The following IGSF21 variants were observed in gnomAD, a reference collection of about 807,000 sequenced individuals.
IGSF21 encodes immunoglobin superfamily member 21.
In IGSF21, 28 loss-of-function variants were observed where a neutral mutation model predicts 46.8. That is an observed-to-expected ratio of 0.60 (90% confidence interval 0.44 to 0.82). IGSF21 has a LOEUF of 0.82. IGSF21 is among the 40% of genes least tolerant of loss of function. IGSF21 has a pLI of 0.00. For missense variants in IGSF21, 624 were observed against 665.5 expected (o/e 0.94, Z 0.69); for synonymous variants, 284 against 273.6 (o/e 1.04, Z -0.38).
chr1:18,198,559 C>G (rs1465910158), intron 1 of IGSF21, among the ~76,000 whole-genome samples: 1 of 152,224 alleles, frequency 6.6e-6, no homozygotes, highest in Non-Finnish European at 1.5e-5. Context: ...TACAGACGGT[C>G]TCCAGATGAG....
intron 2 of IGSF21, among the ~76,000 whole-genome samples, chr1:18,245,354 C>T (rs751763834): frequency 2.8e-4 from 42 of 152,090 alleles, no homozygotes; most frequent in Non-Finnish European, 4.6e-4. Context: ...TGATGTTTTT[C>T]CTAATATTGA....
At chr1:18,212,943 G>T (rs889632573) in intron 1 of IGSF21, among the ~76,000 whole-genome samples, 2 of 152,252 alleles carry the variant, frequency 1.3e-5, no homozygotes, top group Non-Finnish European at 2.9e-5. Context: ...TCAGGGAAAA[G>T]ACACTAGTAT....
At chr1:18,324,515 C>G (rs912909541) in intron 3 of IGSF21, among the ~76,000 whole-genome samples, 1 of 152,194 alleles carries the variant, frequency 6.6e-6, no homozygotes, top group Non-Finnish European at 1.5e-5. Context: ...GTGGCCCGGC[C>G]GCTTCTTCCC....
At chr1:18,301,421 C>G (rs2085360959) in intron 3 of IGSF21, among the ~76,000 whole-genome samples, 2 of 152,230 alleles carry the variant, frequency 1.3e-5, no homozygotes, top group Admixed American at 1.3e-4. Flanking sequence ...CTCGCTGCAA[C>G]CTCTGCCTCC....
intron 4 of IGSF21, among the ~76,000 whole-genome samples, chr1:18,344,651 T>C (rs1228717862): frequency 6.6e-6 from 1 of 151,978 alleles, no homozygotes; most frequent in African/African-American, 2.4e-5. Flanking sequence ...AAAGCCGCCA[T>C]ACAATGGTGT....
chr1:18,155,196 C>T (rs1434740172), intron 1 of IGSF21, among the ~76,000 whole-genome samples: 1 of 152,098 alleles, frequency 6.6e-6, no homozygotes, highest in African/African-American at 2.4e-5. Context: ...TTTGCACCCG[C>T]CTCCCCAGCT....
chr1:18,264,227 T>G (rs1479150034), intron 2 of IGSF21, among the ~76,000 whole-genome samples: 1 of 152,176 alleles, frequency 6.6e-6, no homozygotes, highest in African/African-American at 2.4e-5. Flanking sequence ...CATTTCTTAT[T>G]TCACAAGAAT....
rs558978588 is a variant in IGSF21, at chr1:18,328,545, C to T, written c.306-6347C>T. ...CTTGTTCCCTTATATATACTCAACA[C>T]CACAAGCGGTGCATGGTACATGGTG... On this transcript the variant is annotated intron_variant, in intron 3 of 9. Transcript: ENST00000251296. 7.5e-4 allele frequency among the ~76,000 whole-genome samples: 114 copies of T among 152,300 alleles called. 1 individual carries two copies. The highest frequency in any genetic ancestry group is 5.4e-3 in the South Asian group (26 of 4,824).
chr1:18,120,887 C>A (rs191822306), intron 1 of IGSF21, among the ~76,000 whole-genome samples: 2 of 152,152 alleles, frequency 1.3e-5, no homozygotes, highest in African/African-American at 4.8e-5. Context: ...CTGGTCTCTT[C>A]GACATCTCCA....
At chr1:18,209,998 A>G (rs994129863) in intron 1 of IGSF21, among the ~76,000 whole-genome samples, 2 of 152,074 alleles carry the variant, frequency 1.3e-5, no homozygotes, top group Non-Finnish European at 1.5e-5. Flanking sequence ...CCTCCATTCA[A>G]TGAGACGTCT....
At position 18,340,942 on chromosome 1, in the gene IGSF21, C is replaced by T. The variant is rs528948523; in HGVS notation, c.424+5932C>T. Among the ~76,000 whole-genome samples the T allele has an allele frequency of 7.1e-4, 107 of 151,512 alleles. 1 individual carries two copies. The highest frequency in any genetic ancestry group is 2.3e-3 in the African/African-American group (94 of 41,256). On this transcript the variant is annotated intron_variant, in intron 4 of 9. Transcript: ENST00000251296. ...TTCTTTCTTCTTTCCTCCTCTTCTC[C>T]GTCCTCCTCCCCCTCCCCCTCCTTC... is the stretch of plus-strand genomic sequence containing the variant.
Position 18,362,031 on chromosome 1 carries a change from A to T in IGSF21, c.425-84A>T, listed in dbSNP as rs1014109429. ...CCCCCACCCCCGGCACCCAGCATGG[A>T]CGTGGCCCATCTTAGGTCATCAGTG... On this transcript the variant is annotated intron_variant, in intron 4 of 9. Transcript: ENST00000251296. 1.1e-5 allele frequency: 10 copies of T among 912,358 alleles called. No homozygotes were observed. In the South Asian group the frequency reaches 1.3e-4, roughly 11 times the overall value. The allele number at this position is 912,358 out of a possible 1,614,324, so 56.5% of individuals were successfully genotyped here. A position where few individuals can be genotyped will look rare whatever the true frequency, so the allele number is the denominator to read the frequency against.
At chr1:18,259,496 C>T (rs1282808176) in intron 2 of IGSF21, among the ~76,000 whole-genome samples, 2 of 152,164 alleles carry the variant, frequency 1.3e-5, no homozygotes, top group Non-Finnish European at 2.9e-5. Context: ...GTTTGGCCTC[C>T]ATAAAGTTCC....
chr1:18,115,871 A>T (rs2086184571), intron 1 of IGSF21: 1 of 118,516 alleles, frequency 8.4e-6, no homozygotes, highest in Admixed American at 9.1e-5. Flanking sequence ...GAAAGAAAGA[A>T]AGAAAGAAAG....
intron 1 of IGSF21, among the ~76,000 whole-genome samples, chr1:18,132,139 A>G (rs888974634): frequency 2.6e-5 from 4 of 151,438 alleles, no homozygotes; most frequent in African/African-American, 9.7e-5. Context: ...TGTGCTGGAC[A>G]CAGAATATGT....
chr1:18,275,650 A>C (rs1247313368), intron 2 of IGSF21, among the ~76,000 whole-genome samples: 3 of 152,174 alleles, frequency 2.0e-5, no homozygotes, highest in Non-Finnish European at 4.4e-5. Context: ...GGGCTCATGG[A>C]AACCTTCCAT....
At chr1:18,278,300 C>T (rs912195794) in intron 2 of IGSF21, among the ~76,000 whole-genome samples, 1 of 151,758 alleles carries the variant, frequency 6.6e-6, no homozygotes, top group Admixed American at 6.6e-5. Flanking sequence ...AGGGCAGTGG[C>T]GCGATCTCAG....
intron 2 of IGSF21, among the ~76,000 whole-genome samples, chr1:18,237,092 A>G (rs2084680114): frequency 6.6e-6 from 1 of 152,228 alleles, no homozygotes; most frequent in African/African-American, 2.4e-5. Flanking sequence ...ATAAAATTAC[A>G]AGCCCACTGT....
intron 3 of IGSF21, among the ~76,000 whole-genome samples, chr1:18,326,042 C>G (rs551244296): frequency 7.8e-6 from 1 of 127,810 alleles, no homozygotes; most frequent in Admixed American, 7.3e-5. Context: ...CCGCCCATGC[C>G]CCCCCCTTTT....
Sources: allele counts gnomAD v4.1 joint callset (sites outside exome capture counted in the v4.1 genomes callset), GRCh38; gene constraint gnomAD v4.1.1; transcripts MANE v1.5; gene names NCBI Gene and HGNC (gene_info 2026-07-23, HGNC 2026-07-21).